The following HS3ST4 variants were observed in gnomAD, a reference collection of about 807,000 sequenced individuals.
HS3ST4 encodes the protein heparan sulfate glucosamine 3-O-sulfotransferase 4.
HS3ST4 carries 17 observed loss-of-function variants against 29.2 expected under a neutral mutation model. That is an observed-to-expected ratio of 0.58 (90% CI 0.40 to 0.87). The LOEUF (loss-of-function observed/expected upper bound fraction) is 0.87, where lower values mean the gene tolerates loss of function less well. HS3ST4 is among the 40% of genes least tolerant of loss of function. HS3ST4 has a pLI of 0.00. For synonymous variants in HS3ST4, 314 were observed against 285.7 expected (o/e 1.10, Z -1.00); for missense variants, 627 against 634.5 (o/e 0.99, Z 0.13).
intron 1 of HS3ST4, among the ~76,000 whole-genome samples, chr16:26,107,049 C>G (rs898429942): frequency 6.6e-6 from 1 of 152,020 alleles, no homozygotes; most frequent in Non-Finnish European, 1.5e-5. Flanking sequence ...TTCCAACTCT[C>G]TGAGGGGTTA....
intron 1 of HS3ST4, among the ~76,000 whole-genome samples, chr16:25,862,977 T>C (rs1474525297): frequency 2.0e-5 from 3 of 152,212 alleles, no homozygotes; most frequent in African/African-American, 7.2e-5. Context: ...ATATGTGTAG[T>C]GTGGGCTTAT....
intron 1 of HS3ST4, among the ~76,000 whole-genome samples, chr16:26,027,492 TCTC>T (rs1227584417): frequency 1.1e-4 from 17 of 152,340 alleles, no homozygotes; most frequent in African/African-American, 4.1e-4. Flanking sequence ...CACATTTACT[TCTC>T]CTTCTTGAAC....
At chr16:25,937,445 T>A (rs1239425690) in intron 1 of HS3ST4, among the ~76,000 whole-genome samples, 1 of 152,162 alleles carries the variant, frequency 6.6e-6, no homozygotes, top group Non-Finnish European at 1.5e-5. Flanking sequence ...GACTCCTACG[T>A]GATCTTATTT....
At chr16:25,983,360 A>C (rs117478974) in intron 1 of HS3ST4, among the ~76,000 whole-genome samples, 1 of 152,138 alleles carries the variant, frequency 6.6e-6, no homozygotes, top group African/African-American at 2.4e-5. Context: ...TAACACCTAC[A>C]TCTCAGGATT....
At chr16:26,035,983 G>T (rs1354259582) in intron 1 of HS3ST4, among the ~76,000 whole-genome samples, 1 of 152,164 alleles carries the variant, frequency 6.6e-6, no homozygotes, top group Admixed American at 6.5e-5. Flanking sequence ...TGGATACTGG[G>T]TAGGTAAAGA....
chr16:25,875,715 A>G (rs1026761294), intron 1 of HS3ST4, among the ~76,000 whole-genome samples: 1 of 152,150 alleles, frequency 6.6e-6, no homozygotes, highest in Non-Finnish European at 1.5e-5. Context: ...GGGAATTTCC[A>G]GTAGCCCTAA....
intron 1 of HS3ST4, among the ~76,000 whole-genome samples, chr16:25,802,897 A>G (rs1258824309): frequency 6.6e-6 from 1 of 150,498 alleles, no homozygotes; most frequent in African/African-American, 2.4e-5. Flanking sequence ...TTATTGCCTT[A>G]TAAGGAAGGT....
chr16:25,908,214 C>G (rs1968198254), intron 1 of HS3ST4, among the ~76,000 whole-genome samples: 1 of 152,068 alleles, frequency 6.6e-6, no homozygotes. Context: ...AGATGAGAAC[C>G]TAAAAAGCCA....
chr16:26,013,377 G>C (rs140476744), intron 1 of HS3ST4, among the ~76,000 whole-genome samples: 253 of 152,118 alleles, frequency 1.7e-3, no homozygotes, highest in African/African-American at 5.9e-3. Flanking sequence ...TATAAAAATG[G>C]TGAAGACAAT....
At chr16:25,877,954 CA>C (rs1354486387) in intron 1 of HS3ST4, among the ~76,000 whole-genome samples, 2 of 152,112 alleles carry the variant, frequency 1.3e-5, no homozygotes, top group African/African-American at 4.8e-5. Context: ...GGGTCAAAAG[CA>C]GTCAGGTAAA....
intron 1 of HS3ST4, among the ~76,000 whole-genome samples, chr16:25,795,173 A>C (rs541430838): frequency 6.6e-6 from 1 of 151,928 alleles, no homozygotes; most frequent in Non-Finnish European, 1.5e-5. Context: ...AAGTTTCACT[A>C]TGTTGGCCAG....
At chr16:26,104,241 G>A (rs12596791) in intron 1 of HS3ST4, among the ~76,000 whole-genome samples, 28,188 of 152,178 alleles carry the variant, frequency 0.19, 3,277 homozygotes, top group South Asian at 0.29. Flanking sequence ...TCAAAGACGA[G>A]ATTGTGCTAA....
chr16:26,053,619 A>G (rs1420556779), intron 1 of HS3ST4, among the ~76,000 whole-genome samples: 2 of 152,150 alleles, frequency 1.3e-5, no homozygotes, highest in African/African-American at 2.4e-5. Context: ...ACTTTCATGT[A>G]TGTTCCTGTG....
At chr16:25,846,672 T>C (rs1458028960) in intron 1 of HS3ST4, among the ~76,000 whole-genome samples, 1 of 152,182 alleles carries the variant, frequency 6.6e-6, no homozygotes. Flanking sequence ...TGAGTGTTCA[T>C]TCTTTCTATA....
intron 1 of HS3ST4, among the ~76,000 whole-genome samples, chr16:26,134,357 C>CTTTTTTTTTTTTT (rs1167036022): frequency 6.4e-5 from 7 of 109,064 alleles, no homozygotes; most frequent in Non-Finnish European, 1.3e-4. Flanking sequence ...CTTTTCTTTT[C>CTTTTTTTTTTTTT]TTTTCTTTTT....
chr16:25,812,953 T>C (rs1017117283), intron 1 of HS3ST4, among the ~76,000 whole-genome samples: 1 of 152,210 alleles, frequency 6.6e-6, no homozygotes, highest in Non-Finnish European at 1.5e-5. Flanking sequence ...AGAATTTTCT[T>C]GGTTCATGTA....
intron 1 of HS3ST4, among the ~76,000 whole-genome samples, chr16:25,775,115 C>T (rs546628138): frequency 3.9e-5 from 6 of 152,294 alleles, no homozygotes; most frequent in Middle Eastern, 3.4e-3. Context: ...ATCAAGGATT[C>T]GAGGAGCAGA....
At chr16:26,040,583 G>A (rs1969628992) in intron 1 of HS3ST4, among the ~76,000 whole-genome samples, 1 of 151,902 alleles carries the variant, frequency 6.6e-6, no homozygotes, top group African/African-American at 2.4e-5. Flanking sequence ...GGGATTACAG[G>A]GGTGAGCCAC....
intron 1 of HS3ST4, 67 bp from the exon 2 acceptor site, chr16:26,135,545 G>T (rs2141818111): frequency 2.1e-6 from 3 of 1,453,892 alleles, no homozygotes; most frequent in Non-Finnish European, 1.8e-6. Flanking sequence ...CACACATTTT[G>T]TGCAAAGAAG....
Sources: gnomAD v4.1 joint callset for allele counts (sites outside exome capture counted in the v4.1 genomes callset) on GRCh38, gnomAD v4.1.1 for gene constraint, MANE v1.5 for transcripts, NCBI Gene and HGNC (gene_info 2026-07-23, HGNC 2026-07-21) for gene names.